Variants in DENND2C observed in about 807,000 individuals in gnomAD.
DENND2C encodes the protein DENN domain containing 2C.
DENND2C carries 72 observed loss-of-function variants against 112.4 expected under a neutral mutation model. That is an observed-to-expected ratio of 0.64 (90% CI 0.53 to 0.78). The LOEUF (loss-of-function observed/expected upper bound fraction) is 0.78. DENND2C is among the 30% of genes least tolerant of loss of function. The pLI is 0.00. For synonymous variants in DENND2C, 329 were observed against 381.6 expected, an observed-to-expected ratio of 0.86 and a Z score of 1.61; for missense variants, 992 against 1,113.8, an observed-to-expected ratio of 0.89 and a Z score of 1.56.
At chr1:114,629,104 G>A (rs146417396) in intron 3 of DENND2C, among the ~76,000 whole-genome samples, 10 of 152,238 alleles carry the variant, frequency 6.6e-5, no homozygotes, top group African/African-American at 2.4e-4. Flanking sequence ...TTTAACAGCA[G>A]GAAATGAGTC....
At chr1:114,608,015 G>A (rs1655704937) in intron 10 of DENND2C, among the ~76,000 whole-genome samples, 1 of 152,120 alleles carries the variant, frequency 6.6e-6, no homozygotes, top group African/African-American at 2.4e-5. Context: ...GGTGGCTCAC[G>A]CCTGTAATCC....
At chr1:114,669,162 CCTA>C (rs1262798179) in intron 1 of DENND2C, among the ~76,000 whole-genome samples, 4 of 152,184 alleles carry the variant, frequency 2.6e-5, no homozygotes, top group African/African-American at 9.7e-5. Flanking sequence ...TTGTAAAGTG[CCTA>C]CTATGTACCA....
chr1:114,659,122 G>C (rs1475417767), intron 1 of DENND2C, among the ~76,000 whole-genome samples: 2 of 152,118 alleles, frequency 1.3e-5, no homozygotes, highest in African/African-American at 4.8e-5. Context: ...AATAACAACT[G>C]AAAGTCTGGT....
intron 3 of DENND2C, among the ~76,000 whole-genome samples, chr1:114,644,181 T>C (rs1656918390): frequency 6.6e-6 from 1 of 152,226 alleles, no homozygotes; most frequent in African/African-American, 2.4e-5. Flanking sequence ...TCTCATTTTC[T>C]ATTTCTAGTC....
intron 3 of DENND2C, among the ~76,000 whole-genome samples, chr1:114,634,528 T>C (rs1304544445): frequency 4.6e-5 from 7 of 152,026 alleles, no homozygotes; most frequent in South Asian, 4.1e-4. Flanking sequence ...CATTCACCAA[T>C]AGACCATATG....
At chr1:114,621,225 C>G (rs1463438429) in intron 7 of DENND2C, among the ~76,000 whole-genome samples, 1 of 152,068 alleles carries the variant, frequency 6.6e-6, no homozygotes. Flanking sequence ...GAGTTCAAGA[C>G]CAGCCTGGGC....
At position 114,615,235 on chromosome 1, in the gene DENND2C, C is replaced by T. The variant is rs1425161472; in HGVS notation, c.1324+3151G>A. ...GCATCAGAAAGGATGCAGCACAATACCTGGCACGAGTTTTCATTTTCTATG... is the reference window on the plus strand; with the variant it reads ...GCATCAGAAAGGATGCAGCACAATATCTGGCACGAGTTTTCATTTTCTATG... On this transcript the variant is annotated intron_variant, in intron 8 of 20. Transcript: ENST00000393274. Among the ~76,000 whole-genome samples, 9 of 152,156 alleles carry T rather than the reference C, an allele frequency of 5.9e-5. 1 individual carries two copies.
At chr1:114,639,808 A>G (rs1056729305) in intron 3 of DENND2C, among the ~76,000 whole-genome samples, 14 of 151,602 alleles carry the variant, frequency 9.2e-5, no homozygotes, top group African/African-American at 3.4e-4. Flanking sequence ...CTCCTGGTTC[A>G]AGCAATCTGA....
chr1:114,604,051 C>G (rs1655591265), intron 11 of DENND2C, among the ~76,000 whole-genome samples: 1 of 152,116 alleles, frequency 6.6e-6, no homozygotes, highest in South Asian at 2.1e-4. Flanking sequence ...ACAGAGCAGC[C>G]AGGCCACTAT....
intron 3 of DENND2C, among the ~76,000 whole-genome samples, chr1:114,636,839 T>C (rs76475834): frequency 0.035 from 5,398 of 152,138 alleles, 146 homozygotes; most frequent in Middle Eastern, 0.065. Flanking sequence ...TAAGAGAATT[T>C]AGCAAGGTCT....
At chr1:114,591,626 G>A (rs979733349) in intron 18 of DENND2C, among the ~76,000 whole-genome samples, 1 of 152,064 alleles carries the variant, frequency 6.6e-6, no homozygotes, top group African/African-American at 2.4e-5. Flanking sequence ...ATTTAACACA[G>A]TCAAATTAAC....
At chr1:114,596,139 G>A (rs767278125) in intron 16 of DENND2C, among the ~76,000 whole-genome samples, 7 of 152,268 alleles carry the variant, frequency 4.6e-5, no homozygotes, top group South Asian at 2.1e-4. Flanking sequence ...TTGGAAAGCC[G>A]AGGCAGGAGG....
At chr1:114,631,422 T>A (rs562761305) in intron 3 of DENND2C, among the ~76,000 whole-genome samples, 221 of 152,086 alleles carry the variant, frequency 1.5e-3, no homozygotes, top group African/African-American at 4.8e-3. Context: ...CGTCATCTAA[T>A]CAAAATTACT....
intron 10 of DENND2C, among the ~76,000 whole-genome samples, chr1:114,605,303 A>G (rs763315373): frequency 9.2e-5 from 14 of 152,234 alleles, no homozygotes; most frequent in Non-Finnish European, 1.8e-4. Context: ...ACTGTAAGAG[A>G]GATTAGTGAA....
At position 114,602,253 on chromosome 1, in the gene DENND2C, T is replaced by A; in HGVS notation, c.1668-59A>T. 3 of 1,567,202 alleles carry A rather than the reference T, an allele frequency of 1.9e-6. No homozygotes were observed. The South Asian group carries it at 3.4e-5, about 18-fold the overall frequency. ...AAACAATTACTTATGGCATTCTCCA[T>A]GGAACAAACAATTGAAAACTAGAGT... On this transcript the variant is annotated intron_variant, in intron 11 of 20. Coordinates refer to ENST00000393274, the MANE Select transcript of DENND2C (RefSeq NM_001256404.2).
At chr1:114,653,057 A>C (rs1333954129) in intron 2 of DENND2C, among the ~76,000 whole-genome samples, 1 of 152,106 alleles carries the variant, frequency 6.6e-6, no homozygotes, top group African/African-American at 2.4e-5. Flanking sequence ...ATGGATACAG[A>C]AAGCTGACTG....
At chr1:114,609,888 G>A (rs1376807728) in intron 9 of DENND2C, among the ~76,000 whole-genome samples, 1 of 152,196 alleles carries the variant, frequency 6.6e-6, no homozygotes, top group Non-Finnish European at 1.5e-5. Context: ...TCAAAGGGCT[G>A]AGTTCAAGTC....
chr1:114,619,512 C>A (rs997603950), intron 7 of DENND2C, among the ~76,000 whole-genome samples: 4 of 152,106 alleles, frequency 2.6e-5, no homozygotes, highest in Non-Finnish European at 5.9e-5. Flanking sequence ...AAACCACTGT[C>A]CCCTGCCAAC....
At chr1:114,646,075 C>T (rs1005751704) in intron 2 of DENND2C, among the ~76,000 whole-genome samples, 2 of 151,908 alleles carry the variant, frequency 1.3e-5, no homozygotes, top group Non-Finnish European at 2.9e-5. Context: ...TACAGGCGCC[C>T]GCCACCACAC....
Sources: allele counts gnomAD v4.1 joint callset (sites outside exome capture counted in the v4.1 genomes callset), GRCh38; gene constraint gnomAD v4.1.1; transcripts MANE v1.5; gene names NCBI Gene and HGNC (gene_info 2026-07-23, HGNC 2026-07-21).